Variants in PAPSS1 observed in about 807,000 individuals in gnomAD.
PAPSS1 encodes 3'-phosphoadenosine 5'-phosphosulfate synthase 1.
Under a neutral mutation model 72.0 loss-of-function variants are expected in PAPSS1, and 50 were observed. That is an observed-to-expected ratio of 0.69 (90% CI 0.55 to 0.88). The LOEUF (loss-of-function observed/expected upper bound fraction) is 0.88. Among genes scored for constraint, PAPSS1 ranks in the 40% least tolerant of loss-of-function variants. The pLI, the probability that PAPSS1 is intolerant of heterozygous loss-of-function variation, is 0.00. For missense variants in PAPSS1, 657 were observed against 782.2 expected (o/e 0.84, Z 1.91); for synonymous variants, 261 against 263.6 (o/e 0.99, Z 0.09).
At chr4:107,639,994 C>G (rs1726493710) in intron 10 of PAPSS1, among the ~76,000 whole-genome samples, 1 of 152,212 alleles carries the variant, frequency 6.6e-6, no homozygotes, top group Admixed American at 6.5e-5. Context: ...CCTCCAACTG[C>G]ATTTTCCCCC....
chr4:107,649,249 C>G (rs1407518184), intron 9 of PAPSS1, among the ~76,000 whole-genome samples: 3 of 152,352 alleles, frequency 2.0e-5, no homozygotes, highest in African/African-American at 4.8e-5. Context: ...TCGGGGAGCT[C>G]TTCTCCCCAC....
chr4:107,659,913 T>C, intron 6 of PAPSS1, 46 bp downstream of exon 6: 1 of 1,016,898 alleles, frequency 9.8e-7, no homozygotes, highest in Non-Finnish European at 1.5e-6. Flanking sequence ...CAAACTACTG[T>C]ATATAAGGCT....
intron 2 of PAPSS1, among the ~76,000 whole-genome samples, chr4:107,698,227 T>C (rs1030481003): frequency 2.6e-5 from 4 of 152,032 alleles, no homozygotes; most frequent in Non-Finnish European, 4.4e-5. Flanking sequence ...AATCACTCAA[T>C]AGCTTGGGCA....
intron 3 of PAPSS1, among the ~76,000 whole-genome samples, chr4:107,691,482 G>A (rs1166304549): frequency 6.6e-6 from 1 of 152,128 alleles, no homozygotes; most frequent in Non-Finnish European, 1.5e-5. Flanking sequence ...CTTATTCACT[G>A]ATATCAGGGC....
intron 1 of PAPSS1, chr4:107,719,786 C>A (rs1037500711): frequency 2.6e-6 from 3 of 1,173,936 alleles, no homozygotes; most frequent in Admixed American, 5.1e-5. Context: ...GGTTTCAGCA[C>A]CCGGAGGTTT....
chr4:107,653,408 A>T, intron 9 of PAPSS1, 83 bp downstream of exon 9: 2 of 1,336,520 alleles, frequency 1.5e-6, no homozygotes, highest in Non-Finnish European at 2.1e-6. Flanking sequence ...TCATCGTTTT[A>T]CATTTTCGTA....
intron 9 of PAPSS1, among the ~76,000 whole-genome samples, chr4:107,649,719 A>G (rs1187892991): frequency 6.6e-6 from 1 of 152,234 alleles, no homozygotes; most frequent in Non-Finnish European, 1.5e-5. Flanking sequence ...CACACTTAAA[A>G]TGTAGTTTGT....
chr4:107,673,108 G>A (rs1727536500), intron 5 of PAPSS1, among the ~76,000 whole-genome samples: 1 of 152,070 alleles, frequency 6.6e-6, no homozygotes, highest in African/African-American at 2.4e-5. Context: ...ACAAAGATGG[G>A]GAAAAAACAG....
At chr4:107,702,178 T>C (rs751876790) in intron 1 of PAPSS1, among the ~76,000 whole-genome samples, 1 of 152,148 alleles carries the variant, frequency 6.6e-6, no homozygotes, top group Non-Finnish European at 1.5e-5. Context: ...AGACAGATAA[T>C]AACAAGTACT....
chr4:107,691,775 A>G (rs1722929089), intron 3 of PAPSS1, among the ~76,000 whole-genome samples: 2 of 152,186 alleles, frequency 1.3e-5, no homozygotes, highest in African/African-American at 4.8e-5. Flanking sequence ...TTCACATAAA[A>G]GCACTCTAGC....
At chr4:107,714,269 C>T (rs953019125) in intron 1 of PAPSS1, among the ~76,000 whole-genome samples, 1 of 152,150 alleles carries the variant, frequency 6.6e-6, no homozygotes, top group African/African-American at 2.4e-5. Context: ...CGACCCCCAC[C>T]CTGCTCCCTC....
At chr4:107,694,951 T>A (rs1370129568) in intron 2 of PAPSS1, among the ~76,000 whole-genome samples, 1 of 150,276 alleles carries the variant, frequency 6.7e-6, no homozygotes. Flanking sequence ...CTAACTGGAA[T>A]AAAAAAAAAA....
intron 11 of PAPSS1, among the ~76,000 whole-genome samples, chr4:107,621,102 G>GGAGATC (rs544139407): frequency 1.9e-3 from 287 of 152,258 alleles, no homozygotes; most frequent in African/African-American, 6.5e-3. Flanking sequence ...AATGGGACAA[G>GGAGATC]GAGATCGATG....
chr4:107,675,032 C>G (rs1196490250), intron 5 of PAPSS1, among the ~76,000 whole-genome samples: 1 of 151,990 alleles, frequency 6.6e-6, no homozygotes, highest in African/African-American at 2.4e-5. Flanking sequence ...ACATTCAAAG[C>G]AGTGTGTAGA....
rs180848753 is a variant in PAPSS1 at position 107,653,738 on chromosome 4, G to A, written c.1102-112C>T. The stretch of plus-strand genomic sequence containing the variant: ...GTAAGCTACTCTCATCTTAAATGAG[G>A]TAAATCTGACTTATCAACTAAATTG... On this transcript the variant is annotated intron_variant, in intron 8 of 11. Coordinates refer to ENST00000265174, the MANE Select transcript of PAPSS1 (RefSeq NM_005443.5). The A allele has an allele frequency of 2.0e-4, 146 of 713,296 alleles. No individual in the cohort carries two copies. In the African/African-American group the frequency reaches 2.2e-3, roughly 11 times the overall value. The allele number at this position is 713,296 out of a possible 1,614,324, so 44.2% of individuals were successfully genotyped here. A position where few individuals can be genotyped will look rare whatever the true frequency, so the allele number is the denominator to read the frequency against.
At chr4:107,720,045 G>C in intron 1 of PAPSS1, 75 bp downstream of exon 1, 1 of 1,498,652 alleles carries the variant, frequency 6.7e-7, no homozygotes, top group Non-Finnish European at 8.8e-7. Flanking sequence ...AGGCGGGAGA[G>C]AGGCGGCGGC....
At chr4:107,703,449 A>G (rs1723257481) in intron 1 of PAPSS1, among the ~76,000 whole-genome samples, 1 of 150,912 alleles carries the variant, frequency 6.6e-6, no homozygotes, top group African/African-American at 2.4e-5. Flanking sequence ...AACTAGTGTC[A>G]TAAAACTTTT....
Position 107,614,349 on chromosome 4 carries a change from C to A in PAPSS1, c.1775G>T (p.Arg592Leu). ...TTTCTGGCCTTCTCGAGCAAGTTTG[C>A]GCATTCGTGTTCCTGAAATAAATTC... ...DFEFISGTRM[R>L]KLAREGQKPP... Residue 592 changes from arginine (R) to leucine (L), a missense_variant, in exon 12 of 12, where the codon CGC (arginine) becomes CTC (leucine). Arg to Leu is a moderately radical substitution (Grantham distance 102, BLOSUM62 -2). Around this residue, in one of 7 missense-constraint regions of PAPSS1, gnomAD observed 103 missense variants for 93.8 expected, o/e 1.10. Transcript: ENST00000265174. 6.2e-7 allele frequency: 1 copy of A among 1,613,588 alleles called. No homozygotes were observed. Among genetic ancestry groups the A allele is most frequent in the Non-Finnish European group, 8.5e-7 (1 of 1,179,702 alleles).
chr4:107,686,901 A>T, intron 4 of PAPSS1, 138 bp downstream of exon 4: 1 of 776,494 alleles, frequency 1.3e-6, no homozygotes, highest in Non-Finnish European at 2.1e-6. Context: ...GAGATAGAAC[A>T]GTGTAATAAG....
Sources: allele counts gnomAD v4.1 joint callset (sites outside exome capture counted in the v4.1 genomes callset), GRCh38; gene constraint gnomAD v4.1.1; regional missense constraint gnomAD v4.1.1; transcripts MANE v1.5; gene names NCBI Gene and HGNC (gene_info 2026-07-23, HGNC 2026-07-21).